Variants in NUP133 observed in about 807,000 individuals in gnomAD.
NUP133 encodes the protein nuclear pore complex protein Nup133.
In NUP133, 66 loss-of-function variants were observed where a neutral mutation model predicts 146.2. The observed-to-expected ratio is 0.45, with a 90% CI of 0.37 to 0.55. The LOEUF is 0.55. Ranked by LOEUF, NUP133 falls within the 20% of genes least tolerant of loss-of-function variation. The pLI is 0.00. For missense variants in NUP133, 1,277 were observed against 1,374.8 expected (o/e 0.93, Z 1.12); for synonymous variants, 521 against 498.8 (o/e 1.04, Z -0.59).
intron 24 of NUP133, among the ~76,000 whole-genome samples, chr1:229,447,639 T>C (rs1660340419): frequency 6.6e-6 from 1 of 151,936 alleles, no homozygotes; most frequent in Non-Finnish European, 1.5e-5. Flanking sequence ...TCACCAACTT[T>C]AATCAATCAT....
Position 229,495,479 on chromosome 1 carries a change from C to CA in NUP133, c.1046+15dup. ...AAACTCTTCTCTATGTTCTTTACGA[C>CA]AAATTAATTGCTTACCAGTTTTGCT... is the stretch of plus-strand genomic sequence containing the variant. On this transcript the variant is annotated intron_variant, in intron 8 of 25. Transcript: ENST00000261396. 6.3e-7 allele frequency: 1 copy of CA among 1,586,562 alleles called. No homozygotes were observed. The highest frequency in any genetic ancestry group is 8.6e-7 in the Non-Finnish European group (1 of 1,156,704).
intron 24 of NUP133, among the ~76,000 whole-genome samples, chr1:229,448,321 G>A (rs1247609427): frequency 6.6e-6 from 1 of 152,108 alleles, no homozygotes; most frequent in East Asian, 1.9e-4. Context: ...CCATTTACTT[G>A]GGAGGCTGAG....
chr1:229,453,579 A>C (rs1418309346), intron 21 of NUP133, among the ~76,000 whole-genome samples: 1 of 152,250 alleles, frequency 6.6e-6, no homozygotes, highest in African/African-American at 2.4e-5. Context: ...AACTTCTCAA[A>C]CAGAGATGAT....
chr1:229,449,873 A>ATATATATATTTTT (rs1261799272), intron 23 of NUP133, among the ~76,000 whole-genome samples: 16 of 85,794 alleles, frequency 1.9e-4, no homozygotes, highest in African/African-American at 7.7e-4. Context: ...ATATATATAT[A>ATATATATATTTTT]TTTTTTTTTT....
At chr1:229,458,329 C>A in intron 20 of NUP133, 33 bp from the exon 21 acceptor site, 2 of 1,596,938 alleles carry the variant, frequency 1.3e-6, no homozygotes, top group Non-Finnish European at 1.7e-6. Context: ...TCGTAAGATA[C>A]TGAGTACCAA....
At position 229,458,316 on chromosome 1, in the gene NUP133, C is replaced by A; in HGVS notation, c.2845-20G>T. ...ATGAGCCTACAATAAAATATGCAAA[C>A]CATCGTAAGATACTGAGTACCAATT... is the stretch of plus-strand genomic sequence containing the variant. On this transcript the variant is annotated intron_variant, in intron 20 of 25. Transcript: ENST00000261396. 6.2e-6 allele frequency: 10 copies of A among 1,607,726 alleles called. No homozygotes were observed. Among genetic ancestry groups the A allele is most frequent in the South Asian group, 2.2e-5 (2 of 90,412 alleles).
In NUP133 at chr1:229,505,592, A is replaced by C. The variant is rs1256585837; in HGVS notation, c.301+448T>G. ...AAAAAAAAAAAAAAAAAAAAAAAAA[A>C]ACTAAGACAGGTGGCCAGATGTGGT... On this transcript the variant is annotated intron_variant, in intron 2 of 25. Coordinates refer to ENST00000261396, the MANE Select transcript of NUP133 (RefSeq NM_018230.3). Among the ~76,000 whole-genome samples, 3 of 150,362 alleles carry C rather than the reference A, an allele frequency of 2.0e-5. No homozygotes were observed. In the East Asian group the frequency reaches 5.8e-4, roughly 29 times the overall value.
chr1:229,446,438 A>C (rs952930672), intron 24 of NUP133, among the ~76,000 whole-genome samples: 13 of 152,060 alleles, frequency 8.5e-5, no homozygotes, highest in African/African-American at 2.9e-4. Flanking sequence ...AACAAACAAA[A>C]AAAAGAGAAA....
At chr1:229,502,155 C>T (rs776137149) in intron 2 of NUP133, 53 bp from the exon 3 acceptor site, 4 of 1,327,318 alleles carry the variant, frequency 3.0e-6, no homozygotes, top group Non-Finnish European at 4.3e-6. Context: ...ATCTTTATTA[C>T]CACACGCTTT....
intron 22 of NUP133, among the ~76,000 whole-genome samples, chr1:229,452,219 G>A (rs1414146009): frequency 6.6e-6 from 1 of 152,030 alleles, no homozygotes; most frequent in Non-Finnish European, 1.5e-5. Flanking sequence ...ATTTTGTGGG[G>A]GAAATAAAGT....
chr1:229,486,461 C>G lies in NUP133; in HGVS notation c.1410G>C (p.Leu470=), dbSNP rs769603274. The change falls in exon 11 of 26, where the codon CTG becomes CTC. Residue 470 remains leucine (L), a synonymous_variant. Transcript: ENST00000261396. ...CATTTTCCCTTGAAGTAATAGACAC[C>G]AGTCCACTGTTTCTAGAAAAAATGA... ...VPIIFSRNSG[L]VSITSRENVS... 1 of 1,611,148 alleles carries G rather than the reference C, an allele frequency of 6.2e-7. No individual in the cohort carries two copies. The highest frequency in any genetic ancestry group is 8.5e-7 in the Non-Finnish European group (1 of 1,178,982).
chr1:229,452,150 T>C (rs953579059), intron 22 of NUP133, among the ~76,000 whole-genome samples: 1 of 152,232 alleles, frequency 6.6e-6, no homozygotes, highest in Non-Finnish European at 1.5e-5. Context: ...ACAGAACTGC[T>C]AGACCATGTA....
At chr1:229,476,909 G>A (rs1345080683) in intron 13 of NUP133, among the ~76,000 whole-genome samples, 1 of 141,474 alleles carries the variant, frequency 7.1e-6, no homozygotes, top group Admixed American at 7.4e-5. Context: ...GGGTGACAAA[G>A]TAAGGGAGAC....
In NUP133 at chr1:229,452,541, G is replaced by A; in HGVS notation, c.3083C>T (p.Ala1028Val). Residue 1028 changes from alanine to valine, a missense_variant, in exon 22 of 26, where the codon GCA becomes GTA. By Grantham distance (64) the Ala-to-Val change is moderately conservative. Coordinates refer to ENST00000261396, the MANE Select transcript of NUP133 (RefSeq NM_018230.3). Reference protein sequence around the residue: ...LNLSAMPVLTAPQLIGLYICE... With the variant: ...LNLSAMPVLTVPQLIGLYICE... The stretch of plus-strand genomic sequence containing the variant: ...AGCACATACACCAATGAGTTGTGGT[G>A]CAGTCAATACTGGCATCGCACTGAG... The A allele has an allele frequency of 1.2e-6, 2 of 1,612,922 alleles. No homozygotes were observed. The highest frequency in any genetic ancestry group is 1.7e-6 in the Non-Finnish European group (2 of 1,178,986).
Position 229,449,512 on chromosome 1 carries a change from C to T in NUP133, c.3181-322G>A, listed in dbSNP as rs565497017. ...CCTCCCAAGTAGCTGGGATTATAGGCACACACCACCACGCCCAGCTAATTT... is the reference window on the plus strand; with the variant it reads ...CCTCCCAAGTAGCTGGGATTATAGGTACACACCACCACGCCCAGCTAATTT... On this transcript the variant is annotated intron_variant, in intron 23 of 25. Coordinates refer to ENST00000261396, the MANE Select transcript of NUP133 (RefSeq NM_018230.3). Among the ~76,000 whole-genome samples, 10 of 151,866 alleles carry T rather than the reference C, an allele frequency of 6.6e-5. No homozygotes were observed. In the South Asian group the frequency reaches 8.3e-4, roughly 13 times the overall value.
At chr1:229,507,469 T>C (rs1483561824) in intron 1 of NUP133, among the ~76,000 whole-genome samples, 3 of 152,308 alleles carry the variant, frequency 2.0e-5, no homozygotes, top group African/African-American at 2.4e-5. Context: ...ATTTTACTGG[T>C]GCTCCAAACG....
chr1:229,472,276 G>A (rs557089765), intron 14 of NUP133, among the ~76,000 whole-genome samples: 4 of 146,732 alleles, frequency 2.7e-5, no homozygotes, highest in East Asian at 2.0e-4. Context: ...CAGAGATTGC[G>A]CCACTGCACT....
chr1:229,500,365 T>C (rs953535375), intron 4 of NUP133, among the ~76,000 whole-genome samples: 17 of 152,210 alleles, frequency 1.1e-4, no homozygotes, highest in Non-Finnish European at 2.1e-4. Flanking sequence ...TTTAGATCTA[T>C]GACCCATTTC....
rs1478735366 is a variant in NUP133, at chr1:229,440,577, G to C, written c.*1327C>G. ...TCACCCGACAGGGTCCTACAGGTGA[G>C]ACGTGAACACTGACAGCTGACCTCC... On this transcript the variant is annotated 3_prime_UTR_variant, in exon 26 of 26. Transcript: ENST00000261396. 6.6e-6 allele frequency: 1 copy of C among 152,260 alleles called. No homozygotes were observed. The highest frequency in any genetic ancestry group is 1.5e-5 in the Non-Finnish European group (1 of 68,076). 9.4% of individuals were successfully genotyped at this position (152,260 alleles called of 1,614,324 possible).
Sources: gnomAD v4.1 joint callset for allele counts (sites outside exome capture counted in the v4.1 genomes callset) on GRCh38, gnomAD v4.1.1 for gene constraint, MANE v1.5 for transcripts, NCBI Gene and HGNC (gene_info 2026-07-23, HGNC 2026-07-21) for gene names.